UNC79: variants seen among roughly 807,000 people sequenced by gnomAD.
UNC79 encodes the protein unc-79 subunit of NALCN channel complex, also known as protein unc-79 homolog.
In UNC79, 37 loss-of-function variants were observed where a neutral mutation model predicts 283.1. The observed-to-expected ratio is 0.13, with a 90% confidence interval of 0.10 to 0.17. The LOEUF is 0.17. Ranked by LOEUF, UNC79 falls within the 10% of genes least tolerant of loss-of-function variation. UNC79 has a pLI of 1.00. For synonymous variants in UNC79, 1,107 were observed against 1,200.2 expected, an observed-to-expected ratio of 0.92 and a Z score of 1.61; for missense variants, 2,272 against 3,211.1, an observed-to-expected ratio of 0.71 and a Z score of 7.07.
chr14:93,383,745 G>A (rs775075470), intron 1 of UNC79, among the ~76,000 whole-genome samples: 1 of 152,060 alleles, frequency 6.6e-6, no homozygotes, highest in Non-Finnish European at 1.5e-5. Flanking sequence ...TGTCCCCACC[G>A]AAATCTCATC....
intron 24 of UNC79, among the ~76,000 whole-genome samples, chr14:93,598,758 GT>G (rs1382312393): frequency 6.6e-6 from 1 of 152,234 alleles, no homozygotes; most frequent in African/African-American, 2.4e-5. Flanking sequence ...CTGGCTTCAA[GT>G]GATTCGCCTG....
At chr14:93,556,968 C>A (rs1338943629) in intron 14 of UNC79, among the ~76,000 whole-genome samples, 2 of 152,144 alleles carry the variant, frequency 1.3e-5, no homozygotes, top group Admixed American at 1.3e-4. Context: ...TTGATACAGA[C>A]CCCAAGAGAG....
In UNC79 at chr14:93,577,828, A is replaced by C; in HGVS notation, c.2212-14A>C. ...TGTGAGTTCATTTCTATGTGTTGCCATTCTTTCTTGTAGGTGAGTGTTGCC... is the reference window on the plus strand; with the variant it reads ...TGTGAGTTCATTTCTATGTGTTGCCCTTCTTTCTTGTAGGTGAGTGTTGCC... On this transcript the variant is annotated splice_polypyrimidine_tract_variant and intron_variant, in intron 17 of 48. Coordinates refer to ENST00000555664, the Ensembl canonical transcript of UNC79. 1 of 1,612,276 alleles carries C rather than the reference A, an allele frequency of 6.2e-7. No homozygotes were observed. Among genetic ancestry groups the C allele is most frequent in the Non-Finnish European group, 8.5e-7 (1 of 1,178,918 alleles).
chr14:93,336,924 T>G, intron 1 of UNC79, among the ~76,000 whole-genome samples: 1 of 152,036 alleles, frequency 6.6e-6, no homozygotes, highest in Non-Finnish European at 1.5e-5. Flanking sequence ...TGAAGGCAGA[T>G]CCCTCATGAA....
chr14:93,423,062 C>CAAAAAAAAAAA (rs71129634), intron 1 of UNC79, among the ~76,000 whole-genome samples: 23 of 77,306 alleles, frequency 3.0e-4, no homozygotes, highest in African/African-American at 1.1e-3. Flanking sequence ...GACTCTGTCT[C>CAAAAAAAAAAA]AAAAAAAAAA....
intron 1 of UNC79, among the ~76,000 whole-genome samples, chr14:93,356,026 CT>C (rs56265512): frequency 0.52 from 63,457 of 122,176 alleles, 15,213 homozygotes; most frequent in Admixed American, 0.61. Flanking sequence ...TACTAGTGTA[CT>C]TTTTTTTTTT....
Position 93,694,440 on chromosome 14 carries a change from C to T in UNC79, c.7548+28C>T, listed in dbSNP as rs746761785. 5 of 1,577,618 alleles carry T rather than the reference C, an allele frequency of 3.2e-6. No homozygotes were observed. In the South Asian group the frequency reaches 4.5e-5, roughly 14 times the overall value. On this transcript the variant is annotated intron_variant, in intron 47 of 48. Coordinates refer to ENST00000555664, the Ensembl canonical transcript of UNC79. Reference sequence around the variant, plus strand: ...AGGAAAACCTTATGATTTTTAAAGACCATTTCTTACTGCTAAAAACAAATG... The same window carrying T: ...AGGAAAACCTTATGATTTTTAAAGATCATTTCTTACTGCTAAAAACAAATG...
intron 1 of UNC79, among the ~76,000 whole-genome samples, chr14:93,340,294 T>C (rs568510834): frequency 6.6e-6 from 1 of 152,108 alleles, no homozygotes; most frequent in Admixed American, 6.5e-5. Flanking sequence ...TATAAAAAAT[T>C]AGCCAGGCAT....
At chr14:93,501,714 A>G (rs1368234862) in intron 7 of UNC79, among the ~76,000 whole-genome samples, 1 of 152,070 alleles carries the variant, frequency 6.6e-6, no homozygotes, top group Non-Finnish European at 1.5e-5. Flanking sequence ...TTATAGCAAT[A>G]TGTAAGGAGG....
intron 47 of UNC79, among the ~76,000 whole-genome samples, chr14:93,698,476 GTTTTTTTTTTTTTTT>G (rs71129655): frequency 3.8e-5 from 3 of 79,094 alleles, no homozygotes; most frequent in African/African-American, 4.0e-5. Flanking sequence ...TTTAGTTTAG[GTTTTTTTTTTTTTTT>G]TTTTTTTTTT....
chr14:93,659,543 G>C (rs942205947), intron 39 of UNC79, among the ~76,000 whole-genome samples: 1 of 152,028 alleles, frequency 6.6e-6, no homozygotes, highest in African/African-American at 2.4e-5. Flanking sequence ...GGATCTTATC[G>C]TGTTGGTTCT....
chr14:93,487,930 C>T (rs897741618), intron 5 of UNC79, among the ~76,000 whole-genome samples, 175 bp downstream of exon 5: 18 of 152,182 alleles, frequency 1.2e-4, no homozygotes, highest in Admixed American at 3.3e-4. Flanking sequence ...AGTGATCCTG[C>T]AGGCTAGTGA....
intron 7 of UNC79, among the ~76,000 whole-genome samples, chr14:93,503,335 G>A (rs1266736187): frequency 6.6e-6 from 1 of 151,816 alleles, no homozygotes; most frequent in African/African-American, 2.4e-5. Context: ...CCCACTTTCT[G>A]GCTTTTATAT....
At chr14:93,651,395 C>G (rs181942635) in intron 35 of UNC79, among the ~76,000 whole-genome samples, 1 of 152,204 alleles carries the variant, frequency 6.6e-6, no homozygotes, top group East Asian at 1.9e-4. Context: ...TTGAATCTTC[C>G]AATTCATGAA....
chr14:93,484,800 A>G (rs1294228361), intron 4 of UNC79, among the ~76,000 whole-genome samples: 3 of 152,194 alleles, frequency 2.0e-5, no homozygotes, highest in African/African-American at 7.2e-5. Flanking sequence ...GATTTTATTC[A>G]GTCTGTTAGA....
intron 41 of UNC79, among the ~76,000 whole-genome samples, chr14:93,681,451 G>A (rs1034419848): frequency 3.9e-5 from 6 of 152,274 alleles, no homozygotes; most frequent in South Asian, 2.1e-4. Flanking sequence ...TGACTAGCCC[G>A]ATAATATGCT....
At chr14:93,418,869 G>A (rs993016313) in intron 1 of UNC79, among the ~76,000 whole-genome samples, 14 of 151,826 alleles carry the variant, frequency 9.2e-5, no homozygotes, top group Non-Finnish European at 1.8e-4. Context: ...TTTTAAGCCC[G>A]TTGGAAAAGC....
chr14:93,499,143 A>T lies in UNC79; in HGVS notation c.898+1857A>T, dbSNP rs139136366. Among the ~76,000 whole-genome samples, 702 of 152,362 alleles carry T rather than the reference A, an allele frequency of 4.6e-3. 3 individuals carry two copies. Among genetic ancestry groups the T allele is most frequent in the African/African-American group, 0.016 (668 of 41,584 alleles). ...GGTGGGCTTATTCTAAGCCCAAAAT[A>T]CATGGTAACAATAATAAAAACAATG... On this transcript the variant is annotated intron_variant, in intron 7 of 48. Transcript: ENST00000555664.
At chr14:93,524,669 G>C (rs921805435) in intron 8 of UNC79, among the ~76,000 whole-genome samples, 1 of 152,170 alleles carries the variant, frequency 6.6e-6, no homozygotes, top group African/African-American at 2.4e-5. Flanking sequence ...TTCTGTCCTA[G>C]TATAACCCTG....
Sources: gnomAD v4.1 joint callset for allele counts (sites outside exome capture counted in the v4.1 genomes callset) on GRCh38, gnomAD v4.1.1 for gene constraint, MANE v1.5 for transcripts, NCBI Gene and HGNC (gene_info 2026-07-23, HGNC 2026-07-21) for gene names.